RABGEF1: variants seen among roughly 807,000 people sequenced by gnomAD.
RABGEF1 encodes RAB guanine nucleotide exchange factor 1, also known as rab5 GDP/GTP exchange factor.
In RABGEF1, 26 loss-of-function variants were observed where a neutral mutation model predicts 57.3. The observed-to-expected ratio is 0.45, with a 90% confidence interval of 0.33 to 0.63. The LOEUF is 0.63. Among genes scored for constraint, RABGEF1 ranks in the 20% least tolerant of loss-of-function variants. The pLI is 0.02. For synonymous variants in RABGEF1, 185 were observed against 210.7 expected, an observed-to-expected ratio of 0.88 and a Z score of 1.06; for missense variants, 464 against 607.6, an observed-to-expected ratio of 0.76 and a Z score of 2.48.
intron 1 of RABGEF1, among the ~76,000 whole-genome samples, chr7:66,706,311 T>C (rs1014656356): frequency 2.0e-5 from 3 of 152,208 alleles, no homozygotes; most frequent in African/African-American, 7.2e-5. Context: ...GAACATATAC[T>C]TTCATTTCTC....
At chr7:66,686,949 G>T (rs1483997213) in intron 1 of RABGEF1, among the ~76,000 whole-genome samples, 1 of 150,814 alleles carries the variant, frequency 6.6e-6, no homozygotes, top group Admixed American at 6.6e-5. Flanking sequence ...AGCCTCCCGA[G>T]TAGCTGGGAG....
At chr7:66,750,814 C>T (rs1294618268) in intron 1 of RABGEF1, among the ~76,000 whole-genome samples, 1 of 152,154 alleles carries the variant, frequency 6.6e-6, no homozygotes, top group Non-Finnish European at 1.5e-5. Flanking sequence ...CAGTGAAATG[C>T]AAAGATTTCA....
chr7:66,677,955 C>T (rs955913564), upstream of RABGEF1, among the ~76,000 whole-genome samples: 3 of 151,426 alleles, frequency 2.0e-5, no homozygotes, highest in African/African-American at 7.3e-5. Context: ...GTCCCAGCTA[C>T]TTGGGGGGCT....
At chr7:66,786,191 G>C (rs1001207153) in intron 4 of RABGEF1, among the ~76,000 whole-genome samples, 1 of 152,110 alleles carries the variant, frequency 6.6e-6, no homozygotes, top group Non-Finnish European at 1.5e-5. Context: ...AGCCTTTTCA[G>C]CATATGGGTC....
the RABGEF1 span, among the ~76,000 whole-genome samples, chr7:66,655,561 G>C: frequency 6.6e-6 from 1 of 152,132 alleles, no homozygotes; most frequent in Non-Finnish European, 1.5e-5. Context: ...TTTGAGATGG[G>C]ATCTCACAAT....
At chr7:66,808,797 A>T (rs1789042239) in intron 8 of RABGEF1, 89 bp from the exon 9 acceptor site, 24 of 1,316,386 alleles carry the variant, frequency 1.8e-5, no homozygotes, top group Non-Finnish European at 2.4e-5. Context: ...CTTCTGTTTT[A>T]AATGGTCTGT....
intron 7 of RABGEF1, among the ~76,000 whole-genome samples, chr7:66,801,866 G>A (rs1787362461): frequency 6.6e-6 from 1 of 152,130 alleles, no homozygotes; most frequent in African/African-American, 2.4e-5. Flanking sequence ...GTGGTCCCCC[G>A]GAGACATTGG....
intron 7 of RABGEF1, among the ~76,000 whole-genome samples, chr7:66,804,139 T>A (rs556716362): frequency 5.9e-5 from 9 of 151,588 alleles, no homozygotes; most frequent in African/African-American, 2.2e-4. Context: ...GCTGGAGTGC[T>A]GTGGTATGAT....
chr7:66,785,873 G>T (rs1811056075), intron 4 of RABGEF1, among the ~76,000 whole-genome samples: 1 of 94,782 alleles, frequency 1.1e-5, no homozygotes, highest in South Asian at 4.0e-4. Context: ...GACTCCATCT[G>T]GGGGGGAAAA....
At chr7:66,790,520 G>A (rs1812392099) in intron 4 of RABGEF1, among the ~76,000 whole-genome samples, 1 of 152,204 alleles carries the variant, frequency 6.6e-6, no homozygotes, top group Admixed American at 6.5e-5. Flanking sequence ...GAGCCCAGTG[G>A]TTCTAGTTAC....
At chr7:66,796,610 C>T (rs1225903414) in intron 5 of RABGEF1, among the ~76,000 whole-genome samples, 1 of 151,840 alleles carries the variant, frequency 6.6e-6, no homozygotes, top group African/African-American at 2.4e-5. Context: ...TTGTTTTTGT[C>T]GAGACAGAAT....
chr7:66,746,394 C>G (rs1449367991), intron 1 of RABGEF1, among the ~76,000 whole-genome samples: 1 of 151,402 alleles, frequency 6.6e-6, no homozygotes, highest in Non-Finnish European at 1.5e-5. Flanking sequence ...ACCTCTGCTT[C>G]CTGGGTTCAA....
At chr7:66,741,773 C>G (rs531947029) in intron 1 of RABGEF1, among the ~76,000 whole-genome samples, 75 of 152,244 alleles carry the variant, frequency 4.9e-4, no homozygotes, top group Non-Finnish European at 6.9e-4. Flanking sequence ...CTTAAGTGAT[C>G]CTCCCGCCTC....
rs891108439 is a variant in RABGEF1, at chr7:66,702,643, CT to C, written c.-872-9521del. Reference sequence around the variant, plus strand: ...TCTCCAGACCCTCAACAAAATTTATCTTTCATTTTTTGATTATAGTCATCTT... The same window carrying C: ...TCTCCAGACCCTCAACAAAATTTATCTTCATTTTTTGATTATAGTCATCTT... On this transcript the variant is annotated intron_variant and NMD_transcript_variant, in intron 1 of 9. Transcript: ENST00000607882. Among the ~76,000 whole-genome samples, 23 of 152,182 alleles carry C rather than the reference CT, an allele frequency of 1.5e-4. 1 individual carries two copies. The highest frequency in any genetic ancestry group is 5.5e-4 in the African/African-American group (23 of 41,536).
intron 1 of RABGEF1, among the ~76,000 whole-genome samples, chr7:66,753,399 A>G (rs1201112123): frequency 2.0e-5 from 3 of 152,210 alleles, no homozygotes; most frequent in African/African-American, 7.2e-5. Flanking sequence ...AGAGTTTACA[A>G]CAATTCTTAT....
chr7:66,757,751 A>G (rs1422056575), intron 1 of RABGEF1, among the ~76,000 whole-genome samples: 1 of 152,184 alleles, frequency 6.6e-6, no homozygotes, highest in Non-Finnish European at 1.5e-5. Flanking sequence ...AGCTGGGACT[A>G]CAGGCGCCTG....
chr7:66,737,265 G>A (rs531408002), upstream of RABGEF1, among the ~76,000 whole-genome samples: 80 of 152,072 alleles, frequency 5.3e-4, no homozygotes, highest in African/African-American at 1.8e-3. Flanking sequence ...TTTGGAGATA[G>A]GGTCTTGCTC....
intron 1 of RABGEF1, among the ~76,000 whole-genome samples, chr7:66,706,093 G>A (rs1280145317): frequency 6.7e-5 from 10 of 150,350 alleles, no homozygotes; most frequent in Non-Finnish European, 7.4e-5. Context: ...TAGTAGAGAC[G>A]GGGTTTCACC....
intron 1 of RABGEF1, among the ~76,000 whole-genome samples, chr7:66,768,253 A>ATGTT (rs1484759070): frequency 6.6e-6 from 1 of 152,174 alleles, no homozygotes; most frequent in Non-Finnish European, 1.5e-5. Context: ...TCTTGTAAGG[A>ATGTT]TGTTCAATAT....
Sources: gnomAD v4.1 joint callset for allele counts (sites outside exome capture counted in the v4.1 genomes callset) on GRCh38, gnomAD v4.1.1 for gene constraint, MANE v1.5 for transcripts, NCBI Gene and HGNC (gene_info 2026-07-23, HGNC 2026-07-21) for gene names.